Variants in CCDC169 observed in about 807,000 individuals in gnomAD.
CCDC169 encodes the protein coiled-coil domain containing 169, also known as coiled-coil domain-containing protein 169.
A neutral mutation model predicts 36.0 loss-of-function variants in CCDC169; 30 were observed. That is an observed-to-expected ratio of 0.83 (90% CI 0.62 to 1.13). The LOEUF (loss-of-function observed/expected upper bound fraction) is 1.13. Among genes scored for constraint, CCDC169 ranks in the 50% most tolerant of loss-of-function variants. CCDC169 has a pLI of 0.00. For missense variants in CCDC169, 245 were observed against 245.9 expected, an observed-to-expected ratio of 1.00 and a Z score of 0.03; for synonymous variants, 85 against 81.5, an observed-to-expected ratio of 1.04 and a Z score of -0.23.
At chr13:36,270,562 T>TA (rs1312709747) in intron 4 of CCDC169, among the ~76,000 whole-genome samples, 1 of 152,042 alleles carries the variant, frequency 6.6e-6, no homozygotes. Context: ...GGTACTGGTA[T>TA]AAAAAACAGG....
intron 2 of CCDC169, 146 bp from the exon 3 acceptor site, chr13:36,283,848 G>T: frequency 3.0e-6 from 2 of 674,366 alleles, no homozygotes; most frequent in Non-Finnish European, 4.9e-6. Flanking sequence ...TAGTTATTAA[G>T]TCTGTATTTC....
At chr13:36,252,766 T>A (rs773322068) in intron 6 of CCDC169, among the ~76,000 whole-genome samples, 3 of 152,194 alleles carry the variant, frequency 2.0e-5, no homozygotes, top group Non-Finnish European at 4.4e-5. Context: ...TCTTTATTTG[T>A]TTCCTGAGAG....
At chr13:36,227,655 A>C (rs189121348), downstream of CCDC169, among the ~76,000 whole-genome samples, 79 of 152,368 alleles carry the variant, frequency 5.2e-4, no homozygotes, top group South Asian at 0.011. Context: ...TAACATTTTT[A>C]CAACAACTTT....
chr13:36,230,647 G>A (rs540888242), downstream of CCDC169: 21 of 431,646 alleles, frequency 4.9e-5, no homozygotes, highest in South Asian at 2.9e-4. Context: ...AACATGAGGT[G>A]AAGGGACTTG....
rs1191006075 is a variant in CCDC169, at chr13:36,295,762, G to C, written c.163+16C>G. ...AATTATACAGGAGTCACAAATATAA[G>C]TATTTACTTATATACCTTCATTGTC... On this transcript the variant is annotated intron_variant, in intron 2 of 7. Transcript: ENST00000239859. 1.5e-6 allele frequency: 2 copies of C among 1,356,724 alleles called. No individual in the cohort carries two copies. Among genetic ancestry groups the C allele is most frequent in the African/African-American group, 1.5e-5 (1 of 68,682 alleles). The allele number at this position is 1,356,724 out of a possible 1,614,324, so 84.0% of individuals were successfully genotyped here.
chr13:36,231,570 T>A (rs4397985), intron 7 of CCDC169, among the ~76,000 whole-genome samples: 61,600 of 151,960 alleles, frequency 0.41, 13,263 homozygotes, highest in Non-Finnish European at 0.48. Flanking sequence ...GAAAGTTCTG[T>A]CTAATGAGGA....
intron 4 of CCDC169, chr13:36,280,880 G>A (rs144866560): frequency 1.9e-4 from 29 of 152,730 alleles, no homozygotes; most frequent in African/African-American, 5.1e-4. Context: ...CCAACTGTAC[G>A]CTCACAATCC....
intron 2 of CCDC169, among the ~76,000 whole-genome samples, chr13:36,285,413 G>C (rs1479151662): frequency 6.6e-6 from 1 of 152,112 alleles, no homozygotes; most frequent in Non-Finnish European, 1.5e-5. Context: ...AGCCAGGCAT[G>C]GTGGCAGGTG....
chr13:36,284,168 A>T (rs1255700730), intron 2 of CCDC169, among the ~76,000 whole-genome samples: 1 of 151,966 alleles, frequency 6.6e-6, no homozygotes, highest in Non-Finnish European at 1.5e-5. Flanking sequence ...ATATTTATAC[A>T]TTTTATATAT....
intron 7 of CCDC169, among the ~76,000 whole-genome samples, chr13:36,236,251 T>A (rs918075396): frequency 6.6e-6 from 1 of 152,014 alleles, no homozygotes; most frequent in African/African-American, 2.4e-5. Flanking sequence ...GATTTTAAAC[T>A]CACTAAAAAG....
At chr13:36,237,757 C>T (rs138660926) in intron 7 of CCDC169, among the ~76,000 whole-genome samples, 174 of 152,250 alleles carry the variant, frequency 1.1e-3, no homozygotes, top group African/African-American at 4.1e-3. Flanking sequence ...CAGCAATGGA[C>T]TGCATATATG....
At chr13:36,283,224 G>A (rs560578583) in intron 4 of CCDC169, 10 of 484,310 alleles carry the variant, frequency 2.1e-5, no homozygotes, top group South Asian at 1.1e-4. Context: ...GAAGGTTGGC[G>A]GTGATTCAAA....
chr13:36,247,563 C>A lies in CCDC169; in HGVS notation c.545+1043G>T, dbSNP rs61950106. ...CCCTCACAGATGACTATGAGGGGTG[C>A]AAGACTTCAGTGGAGGAAGTACTGT... On this transcript the variant is annotated intron_variant, in intron 7 of 7. Coordinates refer to ENST00000239859, the MANE Select transcript of CCDC169 (RefSeq NM_001144981.3). Among the ~76,000 whole-genome samples, 763 of 152,188 alleles carry A rather than the reference C, an allele frequency of 5.0e-3. 3 individuals carry two copies. The highest frequency in any genetic ancestry group is 8.2e-3 in the Non-Finnish European group (558 of 68,012).
intron 4 of CCDC169, 83 bp from the exon 5 acceptor site, chr13:36,254,226 A>G: frequency 1.1e-6 from 1 of 875,036 alleles, no homozygotes; most frequent in Non-Finnish European, 1.7e-6. Context: ...TCACTAGTAA[A>G]TGCCTTGTAT....
chr13:36,256,653 A>C (rs923876824), intron 4 of CCDC169, among the ~76,000 whole-genome samples: 6 of 152,242 alleles, frequency 3.9e-5, no homozygotes, highest in African/African-American at 1.4e-4. Context: ...AGAACCCCTC[A>C]AGCAGAGGTT....
At chr13:36,255,079 C>A (rs1873689348) in intron 4 of CCDC169, among the ~76,000 whole-genome samples, 2 of 152,134 alleles carry the variant, frequency 1.3e-5, no homozygotes, top group South Asian at 4.1e-4. Flanking sequence ...TGGCGGTCAT[C>A]CAGCTTTCCT....
intron 6 of CCDC169, among the ~76,000 whole-genome samples, chr13:36,252,421 C>T (rs950471062): frequency 1.3e-5 from 2 of 152,220 alleles, no homozygotes; most frequent in Non-Finnish European, 2.9e-5. Context: ...CCCATTAGCT[C>T]TAATCCCCAA....
At chr13:36,265,523 C>G (rs1198400773) in intron 4 of CCDC169, among the ~76,000 whole-genome samples, 1 of 152,178 alleles carries the variant, frequency 6.6e-6, no homozygotes, top group Non-Finnish European at 1.5e-5. Flanking sequence ...CAGTTTTTCC[C>G]CATAAGACAC....
At chr13:36,296,227 G>A (rs928490282) in intron 1 of CCDC169, among the ~76,000 whole-genome samples, 9 of 152,156 alleles carry the variant, frequency 5.9e-5, no homozygotes, top group African/African-American at 2.2e-4. Context: ...GAATAGCTGG[G>A]ATTACAGGCA....
Sources: gnomAD v4.1 joint callset for allele counts (sites outside exome capture counted in the v4.1 genomes callset) on GRCh38, gnomAD v4.1.1 for gene constraint, MANE v1.5 for transcripts, NCBI Gene and HGNC (gene_info 2026-07-23, HGNC 2026-07-21) for gene names.